CCDC180: variants seen among roughly 807,000 people sequenced by gnomAD.
The protein encoded by CCDC180 is coiled-coil domain containing 180.
In CCDC180, 154 loss-of-function variants were observed where a neutral mutation model predicts 209.2. The observed-to-expected ratio is 0.74, with a 90% CI of 0.65 to 0.84. The LOEUF (loss-of-function observed/expected upper bound fraction) is 0.84. Ranked by LOEUF, CCDC180 falls within the 40% of genes least tolerant of loss-of-function variation. The pLI, the probability that CCDC180 is intolerant of heterozygous loss-of-function variation, is 0.00. For missense variants in CCDC180, 1,874 were observed against 1,997.3 expected (o/e 0.94, Z 1.18); for synonymous variants, 778 against 749.1 (o/e 1.04, Z -0.63).
chr9:97,371,435 A>T, intron 33 of CCDC180, 160 bp from the exon 34 acceptor site: 1 of 475,526 alleles, frequency 2.1e-6, no homozygotes, highest in Non-Finnish European at 3.8e-6. Context: ...ATCTTGGGAG[A>T]GGCCTCCTGG....
chr9:97,319,033 T>C (rs1833272228), intron 10 of CCDC180, among the ~76,000 whole-genome samples: 2 of 152,128 alleles, frequency 1.3e-5, no homozygotes, highest in Admixed American at 6.5e-5. Context: ...CAACCAGCCC[T>C]GATTTCAGTT....
At position 97,307,796 on chromosome 9, in the gene CCDC180, G is replaced by A. The variant is rs1480403418; in HGVS notation, c.-92G>A. On this transcript the variant is annotated 5_prime_UTR_variant, in exon 1 of 37. Coordinates refer to ENST00000529487, the MANE Select transcript of CCDC180 (RefSeq NM_020893.6). ...AACCGGCCTCCTGCTCGAGTTCAGA[G>A]CTCATCTGAGGTTAGTTTCATCGTT... The A allele has an allele frequency of 3.1e-6, 5 of 1,614,084 alleles. No individual in the cohort carries two copies. Among genetic ancestry groups the A allele is most frequent in the Non-Finnish European group, 1.7e-6 (2 of 1,180,042 alleles).
In CCDC180 at chr9:97,330,411, A is replaced by G. The variant is rs1224776728; in HGVS notation, c.1918A>G (p.Ile640Val). 5.6e-6 allele frequency: 9 copies of G among 1,614,206 alleles called. No homozygotes were observed. Among genetic ancestry groups the G allele is most frequent in the East Asian group, 2.2e-5 (1 of 44,880 alleles). ...GGACATGACCAGAAGTGAGGAAAGC[A>G]TAAGTAGTGGGACAAGTACTGCCAG... ...KEDMTRSEES[I>V]SSGTSTARSV... Residue 640 changes from isoleucine to valine, a missense_variant, in exon 18 of 37, where the codon ATA (isoleucine) becomes GTA (valine). By Grantham distance (29) the Ile-to-Val change is conservative. Coordinates refer to ENST00000529487, the MANE Select transcript of CCDC180 (RefSeq NM_020893.6).
chr9:97,370,052 G>A lies in CCDC180; in HGVS notation c.4320G>A (p.Glu1440=). 6.2e-7 allele frequency: 1 copy of A among 1,614,114 alleles called. No homozygotes were observed. Among genetic ancestry groups the A allele is most frequent in the Non-Finnish European group, 8.5e-7 (1 of 1,180,014 alleles). ...TSVKEIRGQF[E]EQQKRLEKRK... ...TGAAGGAGATCCGAGGACAGTTCGA[G>A]GAACAGCAGAAGCGGCTGGAGAAAA... The change falls in exon 32 of 37, where the codon GAG becomes GAA. Residue 1440 remains glutamate (E), a synonymous_variant. Coordinates refer to ENST00000529487, the MANE Select transcript of CCDC180 (RefSeq NM_020893.6).
chr9:97,329,729 G>C (rs920011198), intron 16 of CCDC180, among the ~76,000 whole-genome samples: 8 of 152,158 alleles, frequency 5.3e-5, no homozygotes, highest in Non-Finnish European at 7.3e-5. Flanking sequence ...GTTGGTCAAG[G>C]CCTGCATCAG....
At chr9:97,347,618 C>T in intron 20 of CCDC180, 129 bp downstream of exon 20, 2 of 884,674 alleles carry the variant, frequency 2.3e-6, no homozygotes, top group Non-Finnish European at 3.3e-6. Context: ...CTCATCACAC[C>T]ATGGAAGATG....
At chr9:97,370,980 G>A (rs1480959528) in intron 33 of CCDC180, 7 of 301,544 alleles carry the variant, frequency 2.3e-5, no homozygotes, top group African/African-American at 3.5e-5. Flanking sequence ...TTTTTGAGAC[G>A]GAGTCTCGCT....
At chr9:97,315,153 T>C (rs796277869) in intron 8 of CCDC180, among the ~76,000 whole-genome samples, 8 of 152,306 alleles carry the variant, frequency 5.3e-5, no homozygotes, top group African/African-American at 1.7e-4. Context: ...AATAGAGATC[T>C]TTCTAAAGTA....
chr9:97,369,899 C>T, intron 31 of CCDC180, 23 bp from the exon 32 acceptor site: 3 of 1,613,688 alleles, frequency 1.9e-6, no homozygotes, highest in South Asian at 1.1e-5. Context: ...CCTCCCTTGG[C>T]CTCTTACCCG....
intron 35 of CCDC180, 109 bp downstream of exon 35, chr9:97,374,757 G>C: frequency 4.9e-6 from 4 of 817,548 alleles, no homozygotes. Context: ...CCTGGGAAAG[G>C]CATTGTGTTC....
rs774426869 is a variant in CCDC180 at position 97,323,831 on chromosome 9, G to T, written c.1299G>T (p.Leu433=). The T allele has an allele frequency of 1.9e-5, 30 of 1,556,588 alleles. No homozygotes were observed. The highest frequency in any genetic ancestry group is 2.4e-5 in the South Asian group (2 of 84,320). ...TCACTGAGGAGGAGGCAGAGACCCTGGTGAACCAGTTCTTCTTCCAGATGG... is the reference window on the plus strand; with the variant it reads ...TCACTGAGGAGGAGGCAGAGACCCTTGTGAACCAGTTCTTCTTCCAGATGG... ...KAFTEEEAET[L]VNQFFFQMVG... Residue 433 remains leucine (L), a synonymous_variant, in exon 13 of 37, where the codon CTG becomes CTT. Coordinates refer to ENST00000529487, the MANE Select transcript of CCDC180 (RefSeq NM_020893.6).
intron 28 of CCDC180, chr9:97,363,773 C>T (rs1826835921): frequency 5.5e-6 from 3 of 548,268 alleles, no homozygotes; most frequent in Non-Finnish European, 1.0e-5. Flanking sequence ...AGCAGGAATG[C>T]AAATTTCTGG....
intron 25 of CCDC180, among the ~76,000 whole-genome samples, chr9:97,359,035 C>T (rs1209441882): frequency 6.6e-6 from 1 of 152,184 alleles, no homozygotes; most frequent in Non-Finnish European, 1.5e-5. Context: ...GCACTGTAAA[C>T]CCTGTTATGT....
At chr9:97,370,895 C>A in intron 33 of CCDC180, 117 bp downstream of exon 33, 1 of 991,046 alleles carries the variant, frequency 1.0e-6, no homozygotes, top group South Asian at 2.2e-5. Flanking sequence ...CAGGCATGAT[C>A]GTGGTTGGGT....
At chr9:97,364,155 C>A (rs771182754) in intron 29 of CCDC180, 27 bp downstream of exon 29, 1 of 1,609,438 alleles carries the variant, frequency 6.2e-7, no homozygotes, top group Non-Finnish European at 8.5e-7. Flanking sequence ...TTCCTTTTGA[C>A]TGCATTTAAC....
At position 97,366,534 on chromosome 9, in the gene CCDC180, C is replaced by T. The variant is rs775495379; in HGVS notation, c.4048-25C>T. ...GCCAGAGTCCCATGGAGTCCTCACCCGCACATGGTCACCCTCTCTGGCAGG... is the reference window on the plus strand; with the variant it reads ...GCCAGAGTCCCATGGAGTCCTCACCTGCACATGGTCACCCTCTCTGGCAGG... On this transcript the variant is annotated intron_variant, in intron 30 of 36. Transcript: ENST00000529487. The surrounding 1 kb of genome is among the most constrained non-coding windows in gnomAD (Gnocchi z 4.3). 7.8e-5 allele frequency: 126 copies of T among 1,611,234 alleles called. No homozygotes were observed. The highest frequency in any genetic ancestry group is 1.8e-4 in the Admixed American group (11 of 59,746).
chr9:97,371,915 A>G, intron 34 of CCDC180: 2 of 407,702 alleles, frequency 4.9e-6, no homozygotes, highest in South Asian at 6.7e-5. Context: ...ATGAAACCCT[A>G]TTAAGTAAAC....
chr9:97,340,092 A>G (rs1175242202), intron 18 of CCDC180, among the ~76,000 whole-genome samples: 2 of 152,150 alleles, frequency 1.3e-5, no homozygotes, highest in South Asian at 2.1e-4. Context: ...GCTTCCTTGC[A>G]TTAGGTTCGA....
At chr9:97,361,430 A>G (rs1826748629) in intron 26 of CCDC180, among the ~76,000 whole-genome samples, 1 of 152,236 alleles carries the variant, frequency 6.6e-6, no homozygotes, top group East Asian at 1.9e-4. Context: ...AAGCTCTGAG[A>G]CAGGAGGGAT....
Sources: allele counts gnomAD v4.1 joint callset (sites outside exome capture counted in the v4.1 genomes callset), GRCh38; gene constraint gnomAD v4.1.1; non-coding constraint Gnocchi (gnomAD v3.1); transcripts MANE v1.5; gene names NCBI Gene and HGNC (gene_info 2026-07-23, HGNC 2026-07-21).